CNTN6: variants seen among roughly 807,000 people sequenced by gnomAD.
The protein encoded by CNTN6 is contactin 6, also known as contactin-6.
In CNTN6, 137 loss-of-function variants were observed where a neutral mutation model predicts 122.8. The observed-to-expected ratio is 1.12, with a 90% CI of 0.97 to 1.29. CNTN6 has a LOEUF of 1.29. Among genes scored for constraint, CNTN6 ranks in the 50% most tolerant of loss-of-function variants. The pLI is 0.00. For synonymous variants in CNTN6, 570 were observed against 426.0 expected (o/e 1.34, Z -4.16); for missense variants, 1,634 against 1,223.4 (o/e 1.34, Z -5.01).
In CNTN6 at chr3:1,392,934, T is replaced by C. The variant is rs1282951447; in HGVS notation, c.2704+7137T>C. On this transcript the variant is annotated intron_variant, in intron 20 of 22. Coordinates refer to ENST00000446702, the MANE Select transcript of CNTN6 (RefSeq NM_001289080.2). The stretch of plus-strand genomic sequence containing the variant: ...AGGTGCTGGAGAGGATGTGGAGAAA[T>C]AGGAACACTTTTACACTGTTGGTGG... 3.7e-4 allele frequency among the ~76,000 whole-genome samples: 42 copies of C among 114,416 alleles called. No individual in the cohort carries two copies. The South Asian group carries it at 0.014, about 38-fold the overall frequency. 75.1% of individuals were successfully genotyped at this position (114,416 alleles called of 152,430 possible).
intron 4 of CNTN6, among the ~76,000 whole-genome samples, chr3:1,241,087 A>G (rs912170087): frequency 1.3e-5 from 2 of 152,004 alleles, no homozygotes; most frequent in East Asian, 1.9e-4. Context: ...ATCAGTTAGG[A>G]TGGGGCAGGA....
At chr3:1,293,468 T>A (rs938487230) in intron 5 of CNTN6, among the ~76,000 whole-genome samples, 1 of 152,170 alleles carries the variant, frequency 6.6e-6, no homozygotes, top group African/African-American at 2.4e-5. Context: ...TTAAATTTAG[T>A]AAGGTTAGTG....
chr3:1,339,693 T>G (rs1703607232), intron 11 of CNTN6, among the ~76,000 whole-genome samples: 1 of 152,110 alleles, frequency 6.6e-6, no homozygotes, highest in African/African-American at 2.4e-5. Context: ...TATCCAGACT[T>G]GGTGTCATTT....
chr3:1,336,048 T>TCAAA (rs1295779881), intron 11 of CNTN6, among the ~76,000 whole-genome samples: 1 of 105,652 alleles, frequency 9.5e-6, no homozygotes, highest in African/African-American at 2.8e-5. Context: ...AGACCCTGTT[T>TCAAA]CAAACAAACA....
intron 1 of CNTN6, among the ~76,000 whole-genome samples, chr3:1,144,466 T>C (rs1374642557): frequency 6.6e-6 from 1 of 151,596 alleles, no homozygotes; most frequent in African/African-American, 2.4e-5. Flanking sequence ...GCCCAGCTAC[T>C]CGGGAGGCTG....
intron 4 of CNTN6, among the ~76,000 whole-genome samples, chr3:1,253,372 A>G (rs1232471656): frequency 9.2e-5 from 14 of 152,150 alleles, no homozygotes; most frequent in Non-Finnish European, 2.1e-4. Context: ...ACCCTTTTCC[A>G]TGGAATAAAT....
chr3:1,228,426 T>C (rs1264038875), intron 4 of CNTN6, among the ~76,000 whole-genome samples: 4 of 152,134 alleles, frequency 2.6e-5, no homozygotes, highest in East Asian at 1.9e-4. Flanking sequence ...CGTAGTTTGA[T>C]GTAGGTGGAA....
At chr3:1,104,508 A>G (rs539586864) in intron 1 of CNTN6, among the ~76,000 whole-genome samples, 22 of 152,296 alleles carry the variant, frequency 1.4e-4, no homozygotes, top group Admixed American at 1.3e-3. Flanking sequence ...ATTTACTAAG[A>G]AGGTAAAATT....
At chr3:1,264,213 C>CACTT (rs759314804) in intron 4 of CNTN6, among the ~76,000 whole-genome samples, 5 of 152,092 alleles carry the variant, frequency 3.3e-5, no homozygotes, top group African/African-American at 4.8e-5. Flanking sequence ...TGTGGGCCAG[C>CACTT]ACTTACTGGT....
At chr3:1,137,461 G>A (rs1382759852) in intron 1 of CNTN6, among the ~76,000 whole-genome samples, 2 of 152,186 alleles carry the variant, frequency 1.3e-5, no homozygotes, top group East Asian at 3.9e-4. Context: ...CCTGGATCAG[G>A]GGATTTTTAG....
intron 7 of CNTN6, among the ~76,000 whole-genome samples, chr3:1,308,122 A>C (rs1698646637): frequency 2.6e-5 from 4 of 152,148 alleles, no homozygotes. Context: ...TTAATAATTT[A>C]CTTCTGTCAG....
chr3:1,357,890 C>T (rs948604628), intron 12 of CNTN6, among the ~76,000 whole-genome samples: 2 of 137,460 alleles, frequency 1.5e-5, no homozygotes, highest in African/African-American at 5.4e-5. Flanking sequence ...GTAAAATTTA[C>T]ATATAATAAA....
chr3:1,301,725 G>C (rs1171345017), intron 7 of CNTN6, among the ~76,000 whole-genome samples: 1 of 139,742 alleles, frequency 7.2e-6, no homozygotes, highest in Non-Finnish European at 1.5e-5. Context: ...CATCTGCTCG[G>C]TCAAAGCGGT....
At chr3:1,166,862 C>CT (rs1287278850) in intron 2 of CNTN6, among the ~76,000 whole-genome samples, 1 of 151,996 alleles carries the variant, frequency 6.6e-6, no homozygotes, top group Non-Finnish European at 1.5e-5. Context: ...GGAAAGGGAA[C>CT]ATCACACACC....
intron 3 of CNTN6, among the ~76,000 whole-genome samples, chr3:1,227,560 T>C (rs35701863): frequency 0.11 from 16,346 of 152,188 alleles, 964 homozygotes; most frequent in African/African-American, 0.13. Flanking sequence ...ATTTCTCATG[T>C]TGAGAGTTCT....
intron 3 of CNTN6, among the ~76,000 whole-genome samples, chr3:1,227,564 G>A (rs1404976217): frequency 6.6e-6 from 1 of 152,054 alleles, no homozygotes; most frequent in African/African-American, 2.4e-5. Context: ...CTCATGTTGA[G>A]AGTTCTGTTT....
chr3:1,310,579 T>C (rs1392716607), intron 7 of CNTN6, among the ~76,000 whole-genome samples: 1 of 152,212 alleles, frequency 6.6e-6, no homozygotes. Context: ...AGTTTTACTT[T>C]CTTGAAATGT....
At chr3:1,289,266 C>T (rs1451611514) in intron 5 of CNTN6, among the ~76,000 whole-genome samples, 2 of 152,114 alleles carry the variant, frequency 1.3e-5, no homozygotes, top group African/African-American at 2.4e-5. Context: ...GCCCCCAGTG[C>T]AGGCTGGCTC....
Position 1,094,351 on chromosome 3 carries a change from T to TA in CNTN6, c.-83+1240dup, listed in dbSNP as rs544330712. Among the ~76,000 whole-genome samples the TA allele has an allele frequency of 1.1e-3, 172 of 151,350 alleles. 1 individual carries two copies. The highest frequency in any genetic ancestry group is 3.1e-3 in the African/African-American group (128 of 41,360). The stretch of plus-strand genomic sequence containing the variant: ...TACAAAAATACTTACACAATTTGTG[T>TA]AAAAAAAAAGAAATACAGAAGCATT... On this transcript the variant is annotated intron_variant, in intron 1 of 22. Transcript: ENST00000446702.
Sources: gnomAD v4.1 joint callset for allele counts (sites outside exome capture counted in the v4.1 genomes callset) on GRCh38, gnomAD v4.1.1 for gene constraint, MANE v1.5 for transcripts, NCBI Gene and HGNC (gene_info 2026-07-23, HGNC 2026-07-21) for gene names.